The following SLC25A25 variants were observed in gnomAD, a reference collection of about 807,000 sequenced individuals.
The protein encoded by SLC25A25 is solute carrier family 25 member 25.
A neutral mutation model predicts 57.7 loss-of-function variants in SLC25A25; 32 were observed. That is an observed-to-expected ratio of 0.55 (90% CI 0.42 to 0.74). The LOEUF is 0.74. Ranked by LOEUF, SLC25A25 falls within the 30% of genes least tolerant of loss-of-function variation. SLC25A25 has a pLI of 0.00. For missense variants in SLC25A25, 556 were observed against 701.3 expected (o/e 0.79, Z 2.34); for synonymous variants, 306 against 291.2 (o/e 1.05, Z -0.52).
At chr9:128,085,541 T>C (rs901808759) in intron 1 of SLC25A25, among the ~76,000 whole-genome samples, 2 of 152,184 alleles carry the variant, frequency 1.3e-5, no homozygotes, top group Non-Finnish European at 2.9e-5. Flanking sequence ...ATTCCTGTCT[T>C]AGGTGCTGGT....
intron 1 of SLC25A25, among the ~76,000 whole-genome samples, chr9:128,076,331 A>G (rs1158373161): frequency 1.3e-5 from 2 of 150,976 alleles, no homozygotes; most frequent in African/African-American, 4.9e-5. Flanking sequence ...GGGTTTTCCT[A>G]TGTTGCTCAG....
intron 1 of SLC25A25, among the ~76,000 whole-genome samples, chr9:128,092,840 C>T (rs963596628): frequency 3.3e-5 from 5 of 152,116 alleles, no homozygotes; most frequent in Non-Finnish European, 7.4e-5. Flanking sequence ...GAGATTTCAC[C>T]CCCAAATCCT....
Position 128,102,221 on chromosome 9 carries a change from G to A in SLC25A25, c.512+106G>A. The A allele has an allele frequency of 6.9e-7, 1 of 1,447,642 alleles. No individual in the cohort carries two copies. Among genetic ancestry groups the A allele is most frequent in the Non-Finnish European group, 9.5e-7 (1 of 1,052,818 alleles). The allele number at this position is 1,447,642 out of a possible 1,614,324, so 89.7% of individuals were successfully genotyped here. On this transcript the variant is annotated intron_variant, in intron 4 of 10. Coordinates refer to ENST00000373069, the MANE Select transcript of SLC25A25 (RefSeq NM_001330988.2). This position sits in a 1 kb window ranked among gnomAD's most constrained non-coding sequence, Gnocchi z 4.1. ...GCCATTGTTGTGCTAAGTGGGGTGT[G>A]GAGCCCCCTGCTCTTTCTCCTGGGG...
intron 1 of SLC25A25, among the ~76,000 whole-genome samples, chr9:128,083,676 AT>A (rs11367855): frequency 0.2 from 28,892 of 143,052 alleles, 3,353 homozygotes; most frequent in African/African-American, 0.32. Context: ...CGCCCAGCGA[AT>A]TTTTTTTTTT....
At chr9:128,091,922 T>A (rs759009151) in intron 1 of SLC25A25, 2 of 1,613,194 alleles carry the variant, frequency 1.2e-6, no homozygotes, top group Non-Finnish European at 1.7e-6. Flanking sequence ...CAGGGCTGGG[T>A]GCCACGGCTC....
chr9:128,104,271 G>C (rs940625547), intron 6 of SLC25A25, among the ~76,000 whole-genome samples: 1 of 152,228 alleles, frequency 6.6e-6, no homozygotes, highest in African/African-American at 2.4e-5. Flanking sequence ...TGTCAAGGCA[G>C]AATTGTGAAA....
rs1833827609 is a variant in SLC25A25, at chr9:128,102,177, T to G, written c.512+62T>G. 5.2e-6 allele frequency: 8 copies of G among 1,539,460 alleles called. No individual in the cohort carries two copies. In the African/African-American group the frequency reaches 1.1e-4, roughly 21 times the overall value. ...CTTCCATGCCTGATCAGAGCGGGATTCTTGTGGGCCATTATATTGCCATTG... is the reference window on the plus strand; with the variant it reads ...CTTCCATGCCTGATCAGAGCGGGATGCTTGTGGGCCATTATATTGCCATTG... On this transcript the variant is annotated intron_variant, in intron 4 of 10. Coordinates refer to ENST00000373069, the MANE Select transcript of SLC25A25 (RefSeq NM_001330988.2). This position sits in a 1 kb window ranked among gnomAD's most constrained non-coding sequence, Gnocchi z 4.1.
At chr9:128,106,286 G>C in intron 8 of SLC25A25, 29 bp downstream of exon 8, 1 of 1,614,060 alleles carries the variant, frequency 6.2e-7, no homozygotes, top group Non-Finnish European at 8.5e-7. Context: ...CCTGGGGCGG[G>C]CAGTGGGCAC....
Position 128,101,725 on chromosome 9 carries a change from C to T in SLC25A25, c.476+329C>T, listed in dbSNP as rs1833804340. 6.6e-6 allele frequency among the ~76,000 whole-genome samples: 1 copy of T among 152,160 alleles called. No individual in the cohort carries two copies. Among genetic ancestry groups the T allele is most frequent in the African/African-American group, 2.4e-5 (1 of 41,434 alleles). On this transcript the variant is annotated intron_variant, in intron 3 of 10. Transcript: ENST00000373069. The surrounding 1 kb of genome is among the most constrained non-coding windows in gnomAD (Gnocchi z 4.9). The stretch of plus-strand genomic sequence containing the variant: ...GGCGGGGCGGGGCGGGGGGCTCACA[C>T]TGCAGCCTCGTTCCCAGGTGAATTT...
At chr9:128,074,227 A>G (rs1347139169) in intron 1 of SLC25A25, among the ~76,000 whole-genome samples, 1 of 151,346 alleles carries the variant, frequency 6.6e-6, no homozygotes, top group Non-Finnish European at 1.5e-5. Flanking sequence ...TTTTTAGTAG[A>G]GACAGAGTTT....
rs200194334 is a variant in SLC25A25, at chr9:128,107,448, G to A, written c.*4G>A. The A allele has an allele frequency of 1.3e-6, 2 of 1,505,982 alleles. No individual in the cohort carries two copies. Among genetic ancestry groups the A allele is most frequent in the Non-Finnish European group, 1.8e-6 (2 of 1,126,796 alleles). 93.3% of individuals were successfully genotyped at this position (1,505,982 alleles called of 1,614,324 possible). On this transcript the variant is annotated 3_prime_UTR_variant, in exon 11 of 11. Transcript: ENST00000373069. ...CCTGGGCGTGCAGTCGCGGTGACGGGGGGAGGGCCGCCCGGCAGTGGACTC... is the reference window on the plus strand; with the variant it reads ...CCTGGGCGTGCAGTCGCGGTGACGGAGGGAGGGCCGCCCGGCAGTGGACTC...
rs1372111869 is a variant in SLC25A25, at chr9:128,099,311, GGAAGGAGACA to G, written c.262-1777_262-1768del. Reference sequence around the variant, plus strand: ...CACCAAGGGGGATTTGCAGATCCAAGGAAGGAGACAGAAGGAGGCCCAGGCCCTGTGAGGC... The same window carrying G: ...CACCAAGGGGGATTTGCAGATCCAAGGAAGGAGGCCCAGGCCCTGTGAGGC... On this transcript the variant is annotated intron_variant, in intron 1 of 10. Coordinates refer to ENST00000373069, the MANE Select transcript of SLC25A25 (RefSeq NM_001330988.2). This position sits in a 1 kb window ranked among gnomAD's most constrained non-coding sequence, Gnocchi z 6.8. 3 of 1,276,636 alleles carry G rather than the reference GGAAGGAGACA, an allele frequency of 2.3e-6. No homozygotes were observed. The African/African-American group carries it at 4.6e-5, about 20-fold the overall frequency. 79.1% of individuals were successfully genotyped at this position (1,276,636 alleles called of 1,614,324 possible).
rs1289731643 is a variant in SLC25A25, at chr9:128,101,061, G to A, written c.262-35G>A. ...AAGGGACAAGGAAAGGCTGGTCCAG[G>A]AGCCAAAAGACAAAATGTTACCTTT... On this transcript the variant is annotated intron_variant, in intron 1 of 10. Transcript: ENST00000373069. The surrounding 1 kb of genome is among the most constrained non-coding windows in gnomAD (Gnocchi z 4.9). 5.0e-6 allele frequency: 8 copies of A among 1,613,088 alleles called. No individual in the cohort carries two copies. In the East Asian group the frequency reaches 1.3e-4, roughly 27 times the overall value.
At chr9:128,098,318 C>T in intron 1 of SLC25A25, 1 of 501,152 alleles carries the variant, frequency 2.0e-6, no homozygotes, top group Non-Finnish European at 3.2e-6. Flanking sequence ...GACGTCAGCC[C>T]TGATCTTTGT....
chr9:128,077,425 G>A (rs1386669456), intron 1 of SLC25A25, among the ~76,000 whole-genome samples: 1 of 151,810 alleles, frequency 6.6e-6, no homozygotes, highest in South Asian at 2.1e-4. Flanking sequence ...GCTGAGGCAG[G>A]AGAATGGCGT....
intron 1 of SLC25A25, among the ~76,000 whole-genome samples, chr9:128,093,323 G>A (rs781256692): frequency 6.6e-6 from 1 of 152,226 alleles, no homozygotes; most frequent in Non-Finnish European, 1.5e-5. Flanking sequence ...AGATTGGAAT[G>A]GCTGTGGCAC....
At chr9:128,070,950 CAAAAAAAAAAAAAAAAA>C (rs531221205) in intron 1 of SLC25A25, among the ~76,000 whole-genome samples, 2 of 57,458 alleles carry the variant, frequency 3.5e-5, no homozygotes, top group African/African-American at 1.2e-4. Context: ...AACTCCATCT[CAAAAAAAAAAAAAAAAA>C]AAAAAAGAAA....
chr9:128,074,706 A>AAAAAC (rs1212060382), intron 1 of SLC25A25, among the ~76,000 whole-genome samples: 1 of 152,148 alleles, frequency 6.6e-6, no homozygotes, highest in African/African-American at 2.4e-5. Context: ...CTCTGTCTCA[A>AAAAAC]AAAACAAAAC....
At chr9:128,098,007 C>T (rs1833615045) in intron 1 of SLC25A25, among the ~76,000 whole-genome samples, 1 of 152,212 alleles carries the variant, frequency 6.6e-6, no homozygotes, top group Non-Finnish European at 1.5e-5. Flanking sequence ...AGGCACCTGG[C>T]TCTCGGCCAC....
Sources: gnomAD v4.1 joint callset for allele counts (sites outside exome capture counted in the v4.1 genomes callset) on GRCh38, gnomAD v4.1.1 for gene constraint, Gnocchi (gnomAD v3.1) non-coding constraint, MANE v1.5 for transcripts, NCBI Gene and HGNC (gene_info 2026-07-23, HGNC 2026-07-21) for gene names.